The following PDE6C variants were observed in gnomAD, a reference collection of about 807,000 sequenced individuals.
The protein encoded by PDE6C is cone cGMP-specific 3',5'-cyclic phosphodiesterase subunit alpha'.
Under a neutral mutation model 113.1 loss-of-function variants are expected in PDE6C, and 75 were observed. The observed-to-expected ratio is 0.66, with a 90% confidence interval of 0.55 to 0.80. The LOEUF (loss-of-function observed/expected upper bound fraction) is 0.80. Ranked by LOEUF, PDE6C falls within the 30% of genes least tolerant of loss-of-function variation. The pLI, the probability that PDE6C is intolerant of heterozygous loss-of-function variation, is 0.00. For missense variants in PDE6C, 912 were observed against 1,038.6 expected (o/e 0.88, Z 1.67); for synonymous variants, 375 against 363.7 (o/e 1.03, Z -0.35).
At chr10:93,617,349 G>A (rs2058424925) in intron 1 of PDE6C, among the ~76,000 whole-genome samples, 1 of 152,098 alleles carries the variant, frequency 6.6e-6, no homozygotes, top group Non-Finnish European at 1.5e-5. Flanking sequence ...GCAATAATAA[G>A]CAAGTATCAA....
At chr10:93,663,298 C>T in intron 21 of PDE6C, 120 bp downstream of exon 21, 6 of 993,540 alleles carry the variant, frequency 6.0e-6, no homozygotes, top group Admixed American at 6.0e-5. Flanking sequence ...CTGGTGCAGA[C>T]TGATCATTTT....
intron 8 of PDE6C, among the ~76,000 whole-genome samples, chr10:93,630,650 TG>T (rs1332064832): frequency 6.6e-6 from 1 of 152,088 alleles, no homozygotes; most frequent in Non-Finnish European, 1.5e-5. Flanking sequence ...TGGGTACCGT[TG>T]GGGTCTGTTT....
chr10:93,663,555 G>A (rs749235269), intron 21 of PDE6C, among the ~76,000 whole-genome samples: 9 of 152,188 alleles, frequency 5.9e-5, no homozygotes, highest in Non-Finnish European at 1.2e-4. Flanking sequence ...TTAGCTGTGA[G>A]ACCTTGGGCA....
At chr10:93,649,545 T>A (rs967945651) in intron 15 of PDE6C, among the ~76,000 whole-genome samples, 7 of 152,190 alleles carry the variant, frequency 4.6e-5, no homozygotes, top group African/African-American at 1.7e-4. Context: ...GCTATTTTTT[T>A]AAGCCAGAGT....
chr10:93,624,390 C>T (rs1022687489), intron 4 of PDE6C, among the ~76,000 whole-genome samples: 2 of 151,986 alleles, frequency 1.3e-5, no homozygotes, highest in African/African-American at 4.8e-5. Flanking sequence ...AGGCCTGTAC[C>T]ACCACGTCCA....
rs1589690703 is a variant in PDE6C, at chr10:93,612,660, A to C, written c.-66A>C. The C allele has an allele frequency of 6.2e-7, 1 of 1,608,892 alleles. No homozygotes were observed. Among genetic ancestry groups the C allele is most frequent in the Non-Finnish European group, 8.5e-7 (1 of 1,178,214 alleles). On this transcript the variant is annotated 5_prime_UTR_variant, in exon 1 of 22. Transcript: ENST00000371447. ...CACCAGGATGAATTTCCTTCTCATC[A>C]CTCTGCCTCAGGTAGTGCTCTGAAG...
At chr10:93,627,926 G>T (rs908493471) in intron 7 of PDE6C, among the ~76,000 whole-genome samples, 2 of 152,176 alleles carry the variant, frequency 1.3e-5, no homozygotes, top group African/African-American at 4.8e-5. Flanking sequence ...TTCTCAGAAA[G>T]CACTTACCTT....
Position 93,648,249 on chromosome 10 carries a change from AG to A in PDE6C, c.1935+2204del, listed in dbSNP as rs1430346656. ...TAAAGACTTATTATTCTTTCTAAAA[AG>A]GAATATTGCATCTCAGTAATCTATA... On this transcript the variant is annotated intron_variant, in intron 15 of 21. Coordinates refer to ENST00000371447, the MANE Select transcript of PDE6C (RefSeq NM_006204.4). 5.3e-5 allele frequency among the ~76,000 whole-genome samples: 8 copies of A among 152,172 alleles called. No homozygotes were observed. The East Asian group carries it at 1.5e-3, about 29-fold the overall frequency.
At chr10:93,616,951 G>A (rs1173920797) in intron 1 of PDE6C, among the ~76,000 whole-genome samples, 1 of 152,124 alleles carries the variant, frequency 6.6e-6, no homozygotes, top group Non-Finnish European at 1.5e-5. Flanking sequence ...AGGAAACTGA[G>A]AGATATCCTC....
intron 1 of PDE6C, among the ~76,000 whole-genome samples, chr10:93,616,318 T>G (rs991564547): frequency 6.6e-6 from 1 of 152,064 alleles, no homozygotes; most frequent in Non-Finnish European, 1.5e-5. Flanking sequence ...TAGACAAAGG[T>G]ACAGAACTAC....
At chr10:93,662,745 T>C (rs17109153) in intron 20 of PDE6C, 102 bp downstream of exon 20, 9,549 of 723,656 alleles carry the variant, frequency 0.013, 147 homozygotes, top group African/African-American at 0.056. Flanking sequence ...CGGAAAGCCA[T>C]TGGGGTATCA....
chr10:93,665,493 A>C lies in PDE6C; in HGVS notation c.*75A>C, dbSNP rs572062441. 1.0e-6 allele frequency: 1 copy of C among 985,066 alleles called. No homozygotes were observed. The highest frequency in any genetic ancestry group is 1.6e-5 in the African/African-American group (1 of 63,102). The allele number at this position is 985,066 out of a possible 1,614,324, so 61.0% of individuals were successfully genotyped here. A position where few individuals can be genotyped will look rare whatever the true frequency, so the allele number is the denominator to read the frequency against. ...ACCAGAAAACATTCAAAAGAACTTC[A>C]ACAAATCATCACGTAACAGGATCTT... On this transcript the variant is annotated 3_prime_UTR_variant, in exon 22 of 22. Transcript: ENST00000371447.
intron 8 of PDE6C, 129 bp from the exon 9 acceptor site, chr10:93,634,629 C>A: frequency 1.1e-6 from 1 of 882,052 alleles, no homozygotes; most frequent in Non-Finnish European, 1.8e-6. Context: ...CCATCATTAC[C>A]ATTGTGTGAA....
At chr10:93,621,813 A>C in intron 3 of PDE6C, 119 bp from the exon 4 acceptor site, 1 of 915,042 alleles carries the variant, frequency 1.1e-6, no homozygotes, top group Non-Finnish European at 1.8e-6. Context: ...TCAGAATTGC[A>C]CTTTCCAATG....
intron 1 of PDE6C, among the ~76,000 whole-genome samples, 178 bp from the exon 2 acceptor site, chr10:93,620,454 A>G (rs547539826): frequency 1.2e-4 from 18 of 152,278 alleles, no homozygotes; most frequent in African/African-American, 4.1e-4. Context: ...GGGCAATTCC[A>G]TTCTATGCAG....
chr10:93,652,554 T>C (rs953736571), intron 15 of PDE6C, among the ~76,000 whole-genome samples: 18 of 152,360 alleles, frequency 1.2e-4, no homozygotes, highest in South Asian at 4.1e-4. Context: ...TTCTTCATTA[T>C]ATCAATTTTT....
In PDE6C at chr10:93,625,618, C is replaced by T; in HGVS notation, c.908C>T (p.Pro303Leu). ...EWPIKLGEVEPYKGPKTPDGR... is the reference protein window; with the variant it reads ...EWPIKLGEVELYKGPKTPDGR... ...CCAATCAAGCTTGGAGAAGTAGAGC[C>T]TTATAAAGGTCCAAAGACACCTGAT... The change falls in exon 5 of 22, where the codon CCT (proline) becomes CTT (leucine). Residue 303 changes from proline to leucine, a missense_variant. Coordinates refer to ENST00000371447, the MANE Select transcript of PDE6C (RefSeq NM_006204.4). 1 of 1,613,642 alleles carries T rather than the reference C, an allele frequency of 6.2e-7. No individual in the cohort carries two copies.
chr10:93,645,404 G>A (rs1447994520), intron 14 of PDE6C, among the ~76,000 whole-genome samples: 23 of 152,040 alleles, frequency 1.5e-4, no homozygotes, highest in Admixed American at 1.4e-3. Flanking sequence ...ATTTTCATGA[G>A]AGTCTTCACA....
chr10:93,630,378 C>G (rs908924846), intron 8 of PDE6C, among the ~76,000 whole-genome samples: 1 of 149,392 alleles, frequency 6.7e-6, no homozygotes, highest in African/African-American at 2.5e-5. Context: ...TCATCTTCAC[C>G]ACCCCCTCCC....
Sources: allele counts gnomAD v4.1 joint callset (sites outside exome capture counted in the v4.1 genomes callset), GRCh38; gene constraint gnomAD v4.1.1; transcripts MANE v1.5; gene names NCBI Gene and HGNC (gene_info 2026-07-23, HGNC 2026-07-21).